The following KIAA0825 variants were observed in gnomAD, a reference collection of about 807,000 sequenced individuals.
KIAA0825 encodes the protein KIAA0825.
KIAA0825 carries 119 observed loss-of-function variants against 147.6 expected under a neutral mutation model. The ratio of observed to expected loss-of-function variants is 0.81; its 90% CI spans 0.69 to 0.94. KIAA0825 has a LOEUF of 0.94. Ranked by LOEUF, KIAA0825 falls within the 40% of genes least tolerant of loss-of-function variation. KIAA0825 has a pLI of 0.00. For synonymous variants in KIAA0825, 470 were observed against 518.1 expected (o/e 0.91, Z 1.26); for missense variants, 1,381 against 1,472.7 (o/e 0.94, Z 1.02).
At chr5:94,580,079 G>A (rs898903659) in intron 2 of KIAA0825, among the ~76,000 whole-genome samples, 3 of 151,938 alleles carry the variant, frequency 2.0e-5, no homozygotes, top group Non-Finnish European at 4.4e-5. Context: ...CACAAATGAA[G>A]ATAAAATTTC....
intron 12 of KIAA0825, among the ~76,000 whole-genome samples, chr5:94,460,573 C>T (rs981914562): frequency 4.6e-5 from 7 of 152,048 alleles, no homozygotes; most frequent in African/African-American, 1.7e-4. Flanking sequence ...CATCTGATTG[C>T]TACTTTTCAC....
chr5:94,602,705 C>G (rs1157424415), intron 1 of KIAA0825, among the ~76,000 whole-genome samples: 2 of 152,164 alleles, frequency 1.3e-5, no homozygotes, highest in African/African-American at 4.8e-5. Flanking sequence ...TTCCATTCTT[C>G]CCTCTCCTGC....
Position 94,483,912 on chromosome 5 carries a change from CT to C in KIAA0825, c.1132+856del, listed in dbSNP as rs531070588. 3.3e-3 allele frequency among the ~76,000 whole-genome samples: 491 copies of C among 150,936 alleles called. 3 individuals carry two copies. Among genetic ancestry groups the C allele is most frequent in the Middle Eastern group, 0.014 (4 of 290 alleles). ...AATTGTTAATCACTTGCTTCCTTCACTTTTTTTTGCAGATGCAGCAAATATA... is the reference window on the plus strand; with the variant it reads ...AATTGTTAATCACTTGCTTCCTTCACTTTTTTTGCAGATGCAGCAAATATA... On this transcript the variant is annotated intron_variant, in intron 6 of 20. Coordinates refer to ENST00000682413, the MANE Select transcript of KIAA0825 (RefSeq NM_001145678.3).
intron 20 of KIAA0825, among the ~76,000 whole-genome samples, chr5:94,343,558 G>A (rs372558426): frequency 5.9e-5 from 9 of 151,984 alleles, no homozygotes; most frequent in South Asian, 2.1e-4. Flanking sequence ...GCCTAGTGGC[G>A]GGCGCCTGTA....
chr5:94,353,043 C>T lies in KIAA0825; in HGVS notation c.3710+31325G>A, dbSNP rs962910856. On this transcript the variant is annotated intron_variant, in intron 20 of 20. Transcript: ENST00000682413. ...CTGCTAAAGAACTTACTCATGTAAC[C>T]AAATACACCTGTACCCCAATAACTT... Among the ~76,000 whole-genome samples, 12 of 152,010 alleles carry T rather than the reference C, an allele frequency of 7.9e-5. No individual in the cohort carries two copies. In the South Asian group the frequency reaches 2.5e-3, roughly 32 times the overall value.
intron 20 of KIAA0825, among the ~76,000 whole-genome samples, chr5:94,215,669 C>T (rs533878509): frequency 6.6e-6 from 1 of 152,144 alleles, no homozygotes; most frequent in South Asian, 2.1e-4. Flanking sequence ...TAATCTTAAT[C>T]TAACTTGGCC....
At chr5:94,223,236 G>A (rs1169219813) in intron 20 of KIAA0825, among the ~76,000 whole-genome samples, 1 of 152,122 alleles carries the variant, frequency 6.6e-6, no homozygotes, top group Non-Finnish European at 1.5e-5. Flanking sequence ...TGAGATGGAT[G>A]GTACTACTAA....
chr5:94,190,491 ATTTTTTT>A (rs70975895), intron 20 of KIAA0825, among the ~76,000 whole-genome samples: 1,543 of 106,262 alleles, frequency 0.015, 16 homozygotes, highest in African/African-American at 0.046. Flanking sequence ...ACGCCCAGCT[ATTTTTTT>A]TTTTTTTTTT....
chr5:94,357,191 A>T (rs1390466882), intron 20 of KIAA0825, among the ~76,000 whole-genome samples: 2 of 152,214 alleles, frequency 1.3e-5, no homozygotes, highest in Non-Finnish European at 2.9e-5. Context: ...GCATCTACAG[A>T]CATTTCCTTA....
chr5:94,514,221 A>T (rs1638716319), intron 5 of KIAA0825, among the ~76,000 whole-genome samples: 1 of 152,170 alleles, frequency 6.6e-6, no homozygotes, highest in African/African-American at 2.4e-5. Context: ...TGGTATATGT[A>T]ACCAGGTTAC....
chr5:94,412,535 G>C, intron 15 of KIAA0825, among the ~76,000 whole-genome samples: 1 of 151,800 alleles, frequency 6.6e-6, no homozygotes, highest in Non-Finnish European at 1.5e-5. Context: ...CGAGTAGCTG[G>C]GATTACAGGC....
Position 94,465,039 on chromosome 5 carries a change from C to T in KIAA0825, c.1893G>A (p.Ser631=), listed in dbSNP as rs540696120. Residue 631 remains serine (S), a synonymous_variant, in exon 11 of 21, where the codon TCG becomes TCA. Coordinates refer to ENST00000682413, the MANE Select transcript of KIAA0825 (RefSeq NM_001145678.3). ...AFYEGERCSF[S]IQMWHYFCWS... The stretch of plus-strand genomic sequence containing the variant: ...AGCAGAAATAATGCCACATCTGGAT[C>T]GAGAAGGAACATCTTTCCCCCTGGC... The T allele has an allele frequency of 5.2e-5, 80 of 1,551,292 alleles. No individual in the cohort carries two copies. The African/African-American group carries it at 8.3e-4, about 16-fold the overall frequency.
At chr5:94,514,811 G>A (rs1472704727) in intron 5 of KIAA0825, among the ~76,000 whole-genome samples, 3 of 152,122 alleles carry the variant, frequency 2.0e-5, no homozygotes, top group East Asian at 3.9e-4. Context: ...TTGGTTTGAG[G>A]GCCTTGGTTA....
At chr5:94,223,238 T>C (rs1773825634) in intron 20 of KIAA0825, among the ~76,000 whole-genome samples, 3 of 152,292 alleles carry the variant, frequency 2.0e-5, no homozygotes, top group South Asian at 4.1e-4. Context: ...AGATGGATGG[T>C]ACTACTAATA....
intron 20 of KIAA0825, among the ~76,000 whole-genome samples, chr5:94,283,896 T>G (rs539094496): frequency 6.6e-6 from 1 of 152,226 alleles, no homozygotes; most frequent in South Asian, 2.1e-4. Flanking sequence ...AATCTACTGA[T>G]TTTCTAAGTG....
chr5:94,556,643 G>A lies in KIAA0825; in HGVS notation c.-1-19516C>T, dbSNP rs182013818. ...TTAAAACATCTACCCATTACAATAC[G>A]CTTTTATGCCATCCAGAGCTTTGTT... is the stretch of plus-strand genomic sequence containing the variant. On this transcript the variant is annotated intron_variant, in intron 2 of 20. Coordinates refer to ENST00000682413, the MANE Select transcript of KIAA0825 (RefSeq NM_001145678.3). Among the ~76,000 whole-genome samples the A allele has an allele frequency of 1.1e-4, 17 of 152,170 alleles. No homozygotes were observed. The East Asian group carries it at 2.3e-3, about 21-fold the overall frequency.
At chr5:94,453,641 G>A (rs1320881010) in intron 12 of KIAA0825, among the ~76,000 whole-genome samples, 2 of 151,978 alleles carry the variant, frequency 1.3e-5, no homozygotes, top group Admixed American at 6.6e-5. Context: ...GAATTTTTAC[G>A]AACCTCTATA....
At position 94,440,051 on chromosome 5, in the gene KIAA0825, A is replaced by G; in HGVS notation, c.2428T>C (p.Trp810Arg). The G allele has an allele frequency of 1.3e-6, 2 of 1,551,746 alleles. No individual in the cohort carries two copies. Among genetic ancestry groups the G allele is most frequent in the Non-Finnish European group, 1.7e-6 (2 of 1,146,864 alleles). The change falls in exon 14 of 21, where the codon TGG becomes CGG. Residue 810 changes from tryptophan to arginine, a missense_variant. Coordinates refer to ENST00000682413, the MANE Select transcript of KIAA0825 (RefSeq NM_001145678.3). Reference sequence around the variant, plus strand: ...AGTAGGGTTTCCAGAAGCAAGTTCCAGTTACAACGTGGCTGGGATAAGAGC... The same window carrying G: ...AGTAGGGTTTCCAGAAGCAAGTTCCGGTTACAACGTGGCTGGGATAAGAGC... ...KLLLSQPRCN[W>R]NLLLETLLHH...
rs971426149 is a variant in KIAA0825 at position 94,555,161 on chromosome 5, T to C, written c.-1-18034A>G. Among the ~76,000 whole-genome samples the C allele has an allele frequency of 2.0e-5, 3 of 152,078 alleles. No individual in the cohort carries two copies. In the East Asian group the frequency reaches 5.8e-4, roughly 29 times the overall value. On this transcript the variant is annotated intron_variant, in intron 2 of 20. Coordinates refer to ENST00000682413, the MANE Select transcript of KIAA0825 (RefSeq NM_001145678.3). ...AGAGCTTACTTGTAATATTTTAGGG[T>C]TGCCTGAAATTTCTTTCTTCTCATT...
Sources: allele counts gnomAD v4.1 joint callset (sites outside exome capture counted in the v4.1 genomes callset), GRCh38; gene constraint gnomAD v4.1.1; transcripts MANE v1.5; gene names NCBI Gene and HGNC (gene_info 2026-07-23, HGNC 2026-07-21).